Variants in RPS24 observed in about 807,000 individuals in gnomAD.
The protein encoded by RPS24 is ribosomal protein S24.
For synonymous variants in RPS24, 72 were observed against 55.6 expected (o/e 1.30, Z -1.31); for missense variants, 100 against 162.5 (o/e 0.62, Z 2.09).
chr10:78,046,888 C>T (rs1003551269), intron 4 of RPS24, among the ~76,000 whole-genome samples: 4 of 152,148 alleles, frequency 2.6e-5, no homozygotes, highest in African/African-American at 9.7e-5. Context: ...TGGACAGCAG[C>T]AGCAGTGTCA....
chr10:78,039,619 G>A (rs1432893411), intron 4 of RPS24: 1 of 155,644 alleles, frequency 6.4e-6, no homozygotes, highest in Non-Finnish European at 1.4e-5. Context: ...CTTATACTAA[G>A]GCATTAGTAG....
intron 1 of RPS24, among the ~76,000 whole-genome samples, chr10:78,035,124 A>G (rs1231925246): frequency 1.3e-5 from 2 of 152,244 alleles, no homozygotes; most frequent in African/African-American, 2.4e-5. Context: ...AACCTAGTGA[A>G]GTAAGTTGTA....
chr10:78,050,605 A>G (rs1236641078), intron 4 of RPS24, among the ~76,000 whole-genome samples: 1 of 152,272 alleles, frequency 6.6e-6, no homozygotes, highest in East Asian at 1.9e-4. Context: ...CACCACCACC[A>G]CCTAATTTTT....
downstream of RPS24, among the ~76,000 whole-genome samples, chr10:78,044,555 C>T (rs995301746): frequency 4.6e-5 from 7 of 152,042 alleles, no homozygotes; most frequent in Non-Finnish European, 1.0e-4. Flanking sequence ...GGCAGAGAGG[C>T]TCTCCTGGGT....
At chr10:78,036,319 T>A (rs1320007602) in intron 3 of RPS24, 5 of 160,022 alleles carry the variant, frequency 3.1e-5, no homozygotes, top group African/African-American at 9.7e-5. Context: ...CTTTTTTTTT[T>A]AGAGAGAGAG....
At chr10:78,040,550 G>C in intron 5 of RPS24, 65 bp from the exon 6 acceptor site, 3 of 1,188,770 alleles carry the variant, frequency 2.5e-6, no homozygotes, top group Non-Finnish European at 3.8e-6. Flanking sequence ...ACTACTTTTG[G>C]AATTGAAGAC....
intron 3 of RPS24, among the ~76,000 whole-genome samples, chr10:78,036,887 TTGGTA>T (rs1397985222): frequency 6.6e-6 from 1 of 152,118 alleles, no homozygotes; most frequent in Non-Finnish European, 1.5e-5. Flanking sequence ...GTGCCTTGTT[TTGGTA>T]GTGCAAAAGA....
rs756756010 is a variant in RPS24 at position 78,037,180 on chromosome 10, C to CT, written c.280-10dup. The CT allele has an allele frequency of 1.1e-5, 17 of 1,592,050 alleles. No individual in the cohort carries two copies. Among genetic ancestry groups the CT allele is most frequent in the East Asian group, 2.3e-5 (1 of 44,270 alleles). ...TGTTTACAAGTCACCTGGATGTACTCTTTTCTCATTCAGCATGGCCTGTAT... is the reference window on the plus strand; with the variant it reads ...TGTTTACAAGTCACCTGGATGTACTCTTTTTCTCATTCAGCATGGCCTGTAT... On this transcript the variant is annotated splice_polypyrimidine_tract_variant and intron_variant, in intron 3 of 5. Transcript: ENST00000372360.
chr10:78,052,080 C>T (rs926379695), intron 4 of RPS24, among the ~76,000 whole-genome samples: 6 of 152,064 alleles, frequency 3.9e-5, no homozygotes, highest in African/African-American at 1.4e-4. Flanking sequence ...GGCTGGAGTA[C>T]AGTGGCTTGA....
rs1228580232 is a variant in RPS24 at position 78,054,529 on chromosome 10, A to G, written c.391-2A>G. On this transcript the variant is annotated splice_acceptor_variant, in intron 4 of 4. Transcript: ENST00000440692. LOFTEE classifies it high-confidence loss of function. Reference sequence around the variant, plus strand: ...ACTATTCTCTCCTTCCCGCTTTTGCAGATGAGGGAATTGGGGCTTGGAGTG... The same window carrying G: ...ACTATTCTCTCCTTCCCGCTTTTGCGGATGAGGGAATTGGGGCTTGGAGTG... 6.5e-7 allele frequency: 1 copy of G among 1,532,470 alleles called. No homozygotes were observed. Among genetic ancestry groups the G allele is most frequent in the Non-Finnish European group, 8.8e-7 (1 of 1,135,070 alleles). 94.9% of individuals were successfully genotyped at this position (1,532,470 alleles called of 1,614,324 possible).
intron 4 of RPS24, among the ~76,000 whole-genome samples, chr10:78,051,694 T>C (rs1848100416): frequency 6.6e-6 from 1 of 152,210 alleles, no homozygotes. Flanking sequence ...TGTACGAAGG[T>C]TCTAATTTCT....
rs1375427213 is a variant in RPS24, at chr10:78,035,730, T to G, written c.279+10T>G. 1 of 1,594,600 alleles carries G rather than the reference T, an allele frequency of 6.3e-7. No homozygotes were observed. The highest frequency in any genetic ancestry group is 1.1e-5 in the South Asian group (1 of 90,952). ...ACATAGACTTGCAAGAGTAGGTGTCTTTTCATTTGTTGATCAGCTCCTGAA... is the reference window on the plus strand; with the variant it reads ...ACATAGACTTGCAAGAGTAGGTGTCGTTTCATTTGTTGATCAGCTCCTGAA... On this transcript the variant is annotated intron_variant, in intron 3 of 5. Coordinates refer to ENST00000372360, the MANE Select transcript of RPS24 (RefSeq NM_033022.4).
At chr10:78,047,500 C>G (rs1848057188) in intron 4 of RPS24, among the ~76,000 whole-genome samples, 1 of 152,118 alleles carries the variant, frequency 6.6e-6, no homozygotes, top group African/African-American at 2.4e-5. Context: ...AAGCGGTCTG[C>G]TTTGTTGTCA....
chr10:78,034,054 C>G (rs964879679), intron 1 of RPS24, 150 bp downstream of exon 1: 14 of 1,016,684 alleles, frequency 1.4e-5, no homozygotes, highest in Non-Finnish European at 2.2e-5. Context: ...GGGCTCGGGG[C>G]TGTTGGCAGG....
chr10:78,040,572 T>G (rs944686256), intron 5 of RPS24, 43 bp from the exon 6 acceptor site: 1 of 1,458,076 alleles, frequency 6.9e-7, no homozygotes, highest in African/African-American at 1.4e-5. Context: ...TTAAAGAATT[T>G]TAAAGGCAGT....
chr10:78,036,134 G>A (rs1847861140), intron 3 of RPS24: 1 of 258,750 alleles, frequency 3.9e-6, no homozygotes, highest in Non-Finnish European at 7.6e-6. Flanking sequence ...GTGAACTACA[G>A]CAGTGATCTG....
intron 3 of RPS24, chr10:78,036,465 C>T (rs3781181): frequency 1.3e-5 from 2 of 153,392 alleles, no homozygotes; most frequent in Admixed American, 6.5e-5. Flanking sequence ...ACCATCATGC[C>T]TGGGTAATTT....
chr10:78,038,408 C>T (rs1847922532), intron 4 of RPS24: 1 of 153,714 alleles, frequency 6.5e-6, no homozygotes, highest in Non-Finnish European at 1.4e-5. Flanking sequence ...TGAAACCAGC[C>T]TGGCAGCACT....
At chr10:78,044,993 A>G (rs1848028569), downstream of RPS24, among the ~76,000 whole-genome samples, 1 of 151,900 alleles carries the variant, frequency 6.6e-6, no homozygotes, top group African/African-American at 2.4e-5. Context: ...CCAAGTATTT[A>G]TCGTATTTTT....
Sources: allele counts gnomAD v4.1 joint callset (sites outside exome capture counted in the v4.1 genomes callset), GRCh38; gene constraint gnomAD v4.1.1; transcripts MANE v1.5; gene names NCBI Gene and HGNC (gene_info 2026-07-23, HGNC 2026-07-21).